TRIP4: variants seen among roughly 807,000 people sequenced by gnomAD.
The protein encoded by TRIP4 is activating signal cointegrator 1.
TRIP4 carries 54 observed loss-of-function variants against 81.8 expected under a neutral mutation model. The ratio of observed to expected loss-of-function variants is 0.66; its 90% confidence interval spans 0.53 to 0.83. TRIP4 has a LOEUF of 0.83. TRIP4 is among the 40% of genes least tolerant of loss of function. The pLI is 0.00. For synonymous variants in TRIP4, 270 were observed against 242.8 expected (o/e 1.11, Z -1.04); for missense variants, 662 against 683.6 (o/e 0.97, Z 0.35).
At chr15:64,391,359 G>C (rs116767346) in intron 1 of TRIP4, among the ~76,000 whole-genome samples, 3,815 of 151,804 alleles carry the variant, frequency 0.025, 145 homozygotes, top group African/African-American at 0.089. Flanking sequence ...ATTCCACCAG[G>C]TTGGCCAGGA....
chr15:64,399,442 G>A (rs931186401), intron 4 of TRIP4, among the ~76,000 whole-genome samples: 1 of 152,136 alleles, frequency 6.6e-6, no homozygotes, highest in African/African-American at 2.4e-5. Context: ...CTGCTAGGAA[G>A]TATTGTACAG....
chr15:64,401,412 G>A (rs370164053), intron 5 of TRIP4, among the ~76,000 whole-genome samples: 1 of 152,122 alleles, frequency 6.6e-6, no homozygotes, highest in East Asian at 1.9e-4. Flanking sequence ...TGAGATTACA[G>A]GCATAAGCCA....
chr15:64,446,705 T>C (rs1892640014), intron 12 of TRIP4, among the ~76,000 whole-genome samples: 1 of 151,326 alleles, frequency 6.6e-6, no homozygotes, highest in South Asian at 2.1e-4. Flanking sequence ...CCTGGCCTCA[T>C]TTTAAAAATT....
intron 11 of TRIP4, among the ~76,000 whole-genome samples, chr15:64,439,776 G>A (rs943114307): frequency 1.3e-5 from 2 of 151,522 alleles, no homozygotes; most frequent in African/African-American, 4.8e-5. Context: ...CACCTGTCTC[G>A]GCCTCCCAAA....
At position 64,395,541 on chromosome 15, in the gene TRIP4, T is replaced by A. The variant is rs1900266812; in HGVS notation, c.405+10T>A. On this transcript the variant is annotated intron_variant, in intron 3 of 12. Coordinates refer to ENST00000261884, the MANE Select transcript of TRIP4 (RefSeq NM_016213.5). ...TTTTGATTTGGCCAAGGTGAGTGCT[T>A]ATAGATTGAAGCTTTTTCTGACTAT... The A allele has an allele frequency of 6.3e-7, 1 of 1,599,466 alleles. No homozygotes were observed. Among genetic ancestry groups the A allele is most frequent in the Non-Finnish European group, 8.5e-7 (1 of 1,172,754 alleles).
At chr15:64,408,415 C>G (rs539202850) in intron 6 of TRIP4, among the ~76,000 whole-genome samples, 12 of 151,774 alleles carry the variant, frequency 7.9e-5, no homozygotes, top group Non-Finnish European at 1.5e-5. Flanking sequence ...CCCGCCACTA[C>G]GCCCAGCTAA....
At chr15:64,415,738 C>T (rs1272786722) in intron 8 of TRIP4, among the ~76,000 whole-genome samples, 1 of 152,176 alleles carries the variant, frequency 6.6e-6, no homozygotes, top group Non-Finnish European at 1.5e-5. Context: ...AGGTTGTATT[C>T]ACAGATTCCA....
rs1472106328 is a variant in TRIP4 at position 64,451,372 on chromosome 15, G to A, written c.1679-3625G>A. ...AAGTGATTTGCTTGCCTTGGCCTCC[G>A]AAAGTGCTGGGATTACAGGCATGAG... On this transcript the variant is annotated intron_variant, in intron 12 of 12. Coordinates refer to ENST00000261884, the MANE Select transcript of TRIP4 (RefSeq NM_016213.5). 2.6e-5 allele frequency among the ~76,000 whole-genome samples: 4 copies of A among 150,946 alleles called. No homozygotes were observed. In the East Asian group the frequency reaches 5.8e-4, roughly 22 times the overall value.
intron 11 of TRIP4, among the ~76,000 whole-genome samples, chr15:64,431,847 A>ATTTTTTTTTTTTTTTTTTTT (rs1555411171): frequency 3.2e-4 from 38 of 119,532 alleles, no homozygotes; most frequent in African/African-American, 1.1e-3. Flanking sequence ...ATATATATAT[A>ATTTTTTTTTTTTTTTTTTTT]TTTTTTTTAT....
Position 64,414,086 on chromosome 15 carries a change from C to A in TRIP4, c.1045C>A (p.Leu349Ile), listed in dbSNP as rs753448635. The change falls in exon 8 of 13, where the codon CTA becomes ATA. Residue 349 changes from leucine (L) to isoleucine (I), a missense_variant and splice_region_variant. Transcript: ENST00000261884. ...ENSLAEYHSRLDETIQAIANG... is the reference protein window; with the variant it reads ...ENSLAEYHSRIDETIQAIANG... The stretch of plus-strand genomic sequence containing the variant: ...CATCCTTTTGGTTTATTATCACAGA[C>A]TAGATGAGACAATACAGGCCATTGC... 6.2e-7 allele frequency: 1 copy of A among 1,613,946 alleles called. No individual in the cohort carries two copies.
intron 12 of TRIP4, among the ~76,000 whole-genome samples, chr15:64,446,406 A>AT (rs1429155524): frequency 0.018 from 2,451 of 134,428 alleles, 59 homozygotes; most frequent in African/African-American, 0.049. Flanking sequence ...CCTTTTTAAC[A>AT]TTTTTTTTTT....
At chr15:64,399,386 A>T (rs1026934847) in intron 4 of TRIP4, among the ~76,000 whole-genome samples, 6 of 152,170 alleles carry the variant, frequency 3.9e-5, no homozygotes, top group Admixed American at 6.5e-5. Context: ...TCTTTAGAGC[A>T]AGCTCTTATA....
rs1596354160 is a variant in TRIP4, at chr15:64,429,259, G to C, written c.1575+3628G>C. 2.0e-5 allele frequency among the ~76,000 whole-genome samples: 3 copies of C among 152,246 alleles called. No individual in the cohort carries two copies. The South Asian group carries it at 6.2e-4, about 32-fold the overall frequency. On this transcript the variant is annotated intron_variant, in intron 11 of 12. Transcript: ENST00000261884. Reference sequence around the variant, plus strand: ...TTGAACCTGGGAGGCAGAGGTTGCAGTGAGCCGAGATTGTGCCACTGCACT... The same window carrying C: ...TTGAACCTGGGAGGCAGAGGTTGCACTGAGCCGAGATTGTGCCACTGCACT...
chr15:64,409,857 A>C, intron 7 of TRIP4, 29 bp downstream of exon 7: 402 of 1,589,118 alleles, frequency 2.5e-4, no homozygotes, highest in Middle Eastern at 3.4e-4. Context: ...AAAGGGTCTC[A>C]AAGAAGGAAC....
At chr15:64,443,406 A>C (rs1892560987) in intron 11 of TRIP4, among the ~76,000 whole-genome samples, 1 of 152,206 alleles carries the variant, frequency 6.6e-6, no homozygotes, top group Non-Finnish European at 1.5e-5. Flanking sequence ...ATGGTCTCTA[A>C]GCCACAGGGA....
chr15:64,451,011 G>T (rs576989543), intron 12 of TRIP4: 38 of 184,722 alleles, frequency 2.1e-4, no homozygotes, highest in African/African-American at 8.4e-4. Context: ...TATGGTAAAT[G>T]AAAGGTGAAA....
In TRIP4 at chr15:64,414,130, G is replaced by A. The variant is rs1179395395; in HGVS notation, c.1089G>A (p.Gln363=). Residue 363 remains glutamine, a synonymous_variant, in exon 8 of 13, where the codon CAG becomes CAA. Coordinates refer to ENST00000261884, the MANE Select transcript of TRIP4 (RefSeq NM_016213.5). ...CCATTGCCAATGGAACCTTGAACCA[G>A]CCACTGACCAAATTGGATAGATCTT... ...IQAIANGTLN[Q]PLTKLDRSSE... The A allele has an allele frequency of 6.2e-7, 1 of 1,614,066 alleles. No individual in the cohort carries two copies. Among genetic ancestry groups the A allele is most frequent in the Non-Finnish European group, 8.5e-7 (1 of 1,180,012 alleles).
chr15:64,414,097 A>C lies in TRIP4; in HGVS notation c.1056A>C (p.Thr352=), dbSNP rs1439471496. Residue 352 remains threonine (T), a synonymous_variant, in exon 8 of 13, where the codon ACA becomes ACC. Transcript: ENST00000261884. ...LAEYHSRLDE[T]IQAIANGTLN... ...TTTATTATCACAGACTAGATGAGAC[A>C]ATACAGGCCATTGCCAATGGAACCT... 1 of 1,614,002 alleles carries C rather than the reference A, an allele frequency of 6.2e-7. No homozygotes were observed. The highest frequency in any genetic ancestry group is 1.3e-5 in the African/African-American group (1 of 74,928).
At chr15:64,436,708 CTTT>C (rs35087782) in intron 11 of TRIP4, among the ~76,000 whole-genome samples, 7 of 85,456 alleles carry the variant, frequency 8.2e-5, no homozygotes, top group Non-Finnish European at 1.3e-4. Flanking sequence ...TCTATTACTG[CTTT>C]TTTTTTTTTT....
Sources: allele counts gnomAD v4.1 joint callset (sites outside exome capture counted in the v4.1 genomes callset), GRCh38; gene constraint gnomAD v4.1.1; transcripts MANE v1.5; gene names NCBI Gene and HGNC (gene_info 2026-07-23, HGNC 2026-07-21).